The following AAK1 variants were observed in gnomAD, a reference collection of about 807,000 sequenced individuals.
AAK1 encodes AP2 associated kinase 1, also known as AP2-associated protein kinase 1.
Under a neutral mutation model 116.0 loss-of-function variants are expected in AAK1, and 37 were observed. That is an observed-to-expected ratio of 0.32 (90% CI 0.25 to 0.42). The LOEUF (loss-of-function observed/expected upper bound fraction) is 0.42. Among genes scored for constraint, AAK1 ranks in the 10% least tolerant of loss-of-function variants. AAK1 has a pLI of 1.00. For missense variants in AAK1, 919 were observed against 1,170.6 expected (o/e 0.79, Z 3.14); for synonymous variants, 458 against 439.9 (o/e 1.04, Z -0.51).
intron 3 of AAK1, among the ~76,000 whole-genome samples, chr2:69,556,533 G>T (rs1049818926): frequency 1.3e-5 from 2 of 152,180 alleles, no homozygotes; most frequent in Admixed American, 6.5e-5. Context: ...AGAAGAAGAG[G>T]CTCATTGGAA....
chr2:69,624,302 T>G (rs1201754652), intron 2 of AAK1, among the ~76,000 whole-genome samples: 1 of 152,244 alleles, frequency 6.6e-6, no homozygotes, highest in Non-Finnish European at 1.5e-5. Flanking sequence ...TTTTGTAATA[T>G]CTATAAAATA....
intron 20 of AAK1, 121 bp from the exon 21 acceptor site, chr2:69,477,111 G>T: frequency 1.8e-6 from 1 of 570,976 alleles, no homozygotes; most frequent in Non-Finnish European, 2.9e-6. Flanking sequence ...AAGGTGAAAG[G>T]ATTTATCTTT....
At chr2:69,573,314 G>A (rs1672162898) in intron 2 of AAK1, among the ~76,000 whole-genome samples, 1 of 152,152 alleles carries the variant, frequency 6.6e-6, no homozygotes, top group African/African-American at 2.4e-5. Flanking sequence ...CCAGGACAGG[G>A]CACCAGGACA....
intron 2 of AAK1, among the ~76,000 whole-genome samples, chr2:69,584,402 T>C (rs1283176760): frequency 6.6e-6 from 1 of 152,226 alleles, no homozygotes; most frequent in Admixed American, 6.5e-5. Context: ...GGTAATACCA[T>C]GTTTTGATAA....
chr2:69,642,795 T>G, intron 2 of AAK1, 83 bp downstream of exon 2: 1 of 1,583,586 alleles, frequency 6.3e-7, no homozygotes, highest in Non-Finnish European at 8.6e-7. Flanking sequence ...TCAAAGCCCA[T>G]TCATACATGC....
In AAK1 at chr2:69,490,287, T is replaced by C. The variant is rs1297523886; in HGVS notation, c.2365+5698A>G. On this transcript the variant is annotated intron_variant, in intron 17 of 21. Coordinates refer to ENST00000409085, the MANE Select transcript of AAK1 (RefSeq NM_014911.5). ...AGTTAAAAATAGAATTAGCATATGATCCAGCAATTCCATTTCTGGGTATAT... is the reference window on the plus strand; with the variant it reads ...AGTTAAAAATAGAATTAGCATATGACCCAGCAATTCCATTTCTGGGTATAT... 3.3e-5 allele frequency among the ~76,000 whole-genome samples: 5 copies of C among 152,248 alleles called. No individual in the cohort carries two copies. In the East Asian group the frequency reaches 9.6e-4, roughly 29 times the overall value.
At chr2:69,611,413 A>C (rs181152295) in intron 2 of AAK1, among the ~76,000 whole-genome samples, 1 of 152,158 alleles carries the variant, frequency 6.6e-6, no homozygotes, top group African/African-American at 2.4e-5. Flanking sequence ...TGGGGGCTGC[A>C]CTGTCAGACA....
Position 69,593,078 on chromosome 2 carries a change from CA to C in AAK1, c.164-36101del, listed in dbSNP as rs555895760. On this transcript the variant is annotated intron_variant, in intron 2 of 21. Coordinates refer to ENST00000409085, the MANE Select transcript of AAK1 (RefSeq NM_014911.5). Reference sequence around the variant, plus strand: ...CATTAATTTAAAAGAATTATAACATCAAATATTGGCAAGAATATAGTGAAAC... The same window carrying C: ...CATTAATTTAAAAGAATTATAACATCAATATTGGCAAGAATATAGTGAAAC... Among the ~76,000 whole-genome samples, 34 of 152,258 alleles carry C rather than the reference CA, an allele frequency of 2.2e-4. No individual in the cohort carries two copies. The South Asian group carries it at 6.8e-3, about 31-fold the overall frequency.
intron 2 of AAK1, among the ~76,000 whole-genome samples, chr2:69,632,064 C>T (rs1212356793): frequency 2.0e-5 from 3 of 152,138 alleles, no homozygotes; most frequent in African/African-American, 7.2e-5. Context: ...TAAAATGCTA[C>T]AGCCAGTATC....
At chr2:69,494,055 T>C (rs1366272119) in intron 17 of AAK1, among the ~76,000 whole-genome samples, 1 of 152,188 alleles carries the variant, frequency 6.6e-6, no homozygotes, top group Admixed American at 6.5e-5. Flanking sequence ...GTTAACTGTC[T>C]GACTTATGTT....
chr2:69,561,679 G>A (rs867014366), intron 2 of AAK1, among the ~76,000 whole-genome samples: 1 of 152,122 alleles, frequency 6.6e-6, no homozygotes, highest in Non-Finnish European at 1.5e-5. Flanking sequence ...ATACCCGCAC[G>A]AGTGGCTGTG....
chr2:69,518,841 A>C, intron 12 of AAK1, 113 bp downstream of exon 12: 1 of 1,396,804 alleles, frequency 7.2e-7, no homozygotes, highest in Non-Finnish European at 9.4e-7. Context: ...TACATCTATG[A>C]GAAACAGTGA....
chr2:69,561,617 A>C (rs1270731405), intron 2 of AAK1, among the ~76,000 whole-genome samples: 1 of 152,192 alleles, frequency 6.6e-6, no homozygotes, highest in Non-Finnish European at 1.5e-5. Context: ...TTCATATATT[A>C]TACAATCCAC....
intron 2 of AAK1, among the ~76,000 whole-genome samples, chr2:69,604,729 C>T (rs1007213669): frequency 2.0e-4 from 30 of 152,068 alleles, no homozygotes; most frequent in African/African-American, 7.2e-4. Flanking sequence ...TGGGGCTGCA[C>T]CTTAGGGTCC....
chr2:69,530,572 TCA>T (rs1037647085), intron 7 of AAK1, 51 bp downstream of exon 7: 5 of 1,457,982 alleles, frequency 3.4e-6, no homozygotes, highest in Admixed American at 1.7e-5. Flanking sequence ...CCTTGGGAAT[TCA>T]CAGTCAAGAC....
chr2:69,472,977 G>A lies in AAK1; in HGVS notation c.*2892C>T, dbSNP rs1424387786. On this transcript the variant is annotated 3_prime_UTR_variant, in exon 22 of 22. Transcript: ENST00000409085. ...TGTAAACACTGCTACCGTAATAGCA[G>A]GAACTACAGAAGATAACTGAAGAAC... is the stretch of plus-strand genomic sequence containing the variant. 6 of 985,128 alleles carry A rather than the reference G, an allele frequency of 6.1e-6. No homozygotes were observed. Among genetic ancestry groups the A allele is most frequent in the East Asian group, 1.1e-4 (1 of 8,830 alleles). 61.0% of individuals were successfully genotyped at this position (985,128 alleles called of 1,614,324 possible).
At chr2:69,514,892 C>CT in intron 12 of AAK1, 143 bp from the exon 13 acceptor site, 1 of 879,986 alleles carries the variant, frequency 1.1e-6, no homozygotes, top group Non-Finnish European at 1.7e-6. Context: ...CCTAAAATCT[C>CT]ATGATAGAGA....
chr2:69,600,311 TAACA>T (rs142821312), intron 2 of AAK1, among the ~76,000 whole-genome samples: 6,404 of 147,300 alleles, frequency 0.043, 377 homozygotes, highest in East Asian at 0.16. Context: ...TTTTTTGCAC[TAACA>T]ATCAGTTTGT....
chr2:69,570,188 C>G (rs1672036680), intron 2 of AAK1, among the ~76,000 whole-genome samples: 1 of 152,070 alleles, frequency 6.6e-6, no homozygotes, highest in Admixed American at 6.6e-5. Context: ...CTCACCTCTG[C>G]TCCTCCCAAC....
Sources: allele counts gnomAD v4.1 joint callset (sites outside exome capture counted in the v4.1 genomes callset), GRCh38; gene constraint gnomAD v4.1.1; transcripts MANE v1.5; gene names NCBI Gene and HGNC (gene_info 2026-07-23, HGNC 2026-07-21).